Variants in C10orf90 observed in about 807,000 individuals in gnomAD.
C10orf90 encodes the protein (E2-independent) E3 ubiquitin-conjugating enzyme FATS.
C10orf90 carries 56 observed loss-of-function variants against 62.5 expected under a neutral mutation model. The ratio of observed to expected loss-of-function variants is 0.90; its 90% CI spans 0.72 to 1.12. The LOEUF (loss-of-function observed/expected upper bound fraction) is 1.12, where lower values mean the gene tolerates loss of function less well. C10orf90 is among the 50% of genes most tolerant of loss of function. The pLI is 0.00. For missense variants in C10orf90, 970 were observed against 880.4 expected (o/e 1.10, Z -1.29); for synonymous variants, 386 against 340.4 (o/e 1.13, Z -1.47).
At chr10:126,535,951 A>G (rs1439769650) in intron 2 of C10orf90, among the ~76,000 whole-genome samples, 2 of 152,198 alleles carry the variant, frequency 1.3e-5, no homozygotes, top group Admixed American at 6.5e-5. Context: ...GTTACGGGGC[A>G]GGTGGAGCAG....
chr10:126,467,780 T>C (rs1017262666), intron 4 of C10orf90, among the ~76,000 whole-genome samples: 2 of 152,194 alleles, frequency 1.3e-5, no homozygotes, highest in Admixed American at 1.3e-4. Context: ...ACCAAAATAT[T>C]CTGCCCAACA....
intron 2 of C10orf90, among the ~76,000 whole-genome samples, chr10:126,611,637 C>T (rs1044231852): frequency 1.2e-4 from 19 of 152,198 alleles, no homozygotes; most frequent in African/African-American, 4.3e-4. Flanking sequence ...TCTTCAAACT[C>T]TTGTCAGCAA....
chr10:126,425,777 G>T lies in C10orf90; in HGVS notation c.*87C>A. 7.4e-7 allele frequency: 1 copy of T among 1,347,574 alleles called. No homozygotes were observed. Among genetic ancestry groups the T allele is most frequent in the Non-Finnish European group, 1.0e-6 (1 of 983,536 alleles). The allele number at this position is 1,347,574 out of a possible 1,614,324, so 83.5% of individuals were successfully genotyped here. On this transcript the variant is annotated 3_prime_UTR_variant, in exon 10 of 10. Coordinates refer to ENST00000488181, the MANE Select transcript of C10orf90 (RefSeq NM_001350921.2). ...GAAAGTAAAATAAGTGTTTTCCCATGATGAAGATAATGCTAAGTTTAATGG... is the reference window on the plus strand; with the variant it reads ...GAAAGTAAAATAAGTGTTTTCCCATTATGAAGATAATGCTAAGTTTAATGG...
Position 126,532,069 on chromosome 10 carries a change from C to G in C10orf90, c.314-18130G>C, listed in dbSNP as rs184009917. Among the ~76,000 whole-genome samples the G allele has an allele frequency of 1.9e-3, 288 of 152,294 alleles. 1 individual carries two copies. Among genetic ancestry groups the G allele is most frequent in the Non-Finnish European group, 3.5e-3 (235 of 68,018 alleles). The stretch of plus-strand genomic sequence containing the variant: ...AAACTTAGGCAGTTGCCCCCCACAT[C>G]CAGGGCAATGAACTCCCCGATCATA... On this transcript the variant is annotated intron_variant, in intron 2 of 9. Transcript: ENST00000488181.
In C10orf90 at chr10:126,644,987, C is replaced by A. The variant is rs1846137697; in HGVS notation, c.313+1578G>T. Among the ~76,000 whole-genome samples the A allele has an allele frequency of 4.6e-5, 7 of 152,306 alleles. 1 individual carries two copies. In the South Asian group the frequency reaches 1.5e-3, roughly 32 times the overall value. On this transcript the variant is annotated intron_variant, in intron 2 of 9. Coordinates refer to ENST00000488181, the MANE Select transcript of C10orf90 (RefSeq NM_001350921.2). ...GTTCAAACTAAATATCTGTCACTAT[C>A]ATTCTCAGTAAACTATCGCAAGAAC... is the stretch of plus-strand genomic sequence containing the variant.
chr10:126,565,061 TATATATTATATATAATATATAA>T (rs1844309485), intron 2 of C10orf90, among the ~76,000 whole-genome samples: 4 of 31,772 alleles, frequency 1.3e-4, no homozygotes, highest in African/African-American at 4.6e-4. Context: ...ATATATAAAA[TATATATTATATATAATATATAA>T]AATATATATT....
At chr10:126,487,151 A>AAAAAAAAAAAAAAAAAAAAAAAAAAAG (rs1861482953) in intron 4 of C10orf90, among the ~76,000 whole-genome samples, 1 of 148,888 alleles carries the variant, frequency 6.7e-6, no homozygotes, top group African/African-American at 2.5e-5. Flanking sequence ...TCAAAAAAAA[A>AAAAAAAAAAAAAAAAAAAAAAAAAAAG]AAAAAAAAAA....
At chr10:126,492,056 T>C (rs1456212852) in intron 4 of C10orf90, among the ~76,000 whole-genome samples, 1 of 152,180 alleles carries the variant, frequency 6.6e-6, no homozygotes, top group Non-Finnish European at 1.5e-5. Context: ...GCATCCTGGA[T>C]CGGATCCTGG....
chr10:126,668,447 G>A (rs916702350), intron 1 of C10orf90, among the ~76,000 whole-genome samples: 1 of 152,104 alleles, frequency 6.6e-6, no homozygotes, highest in African/African-American at 2.4e-5. Context: ...GTTCAGCTTG[G>A]GAAATTGAGC....
rs192964361 is a variant in C10orf90, at chr10:126,437,107, C to T, written c.2189-7257G>A. 1.3e-4 allele frequency among the ~76,000 whole-genome samples: 20 copies of T among 152,302 alleles called. No individual in the cohort carries two copies. In the East Asian group the frequency reaches 3.9e-3, roughly 29 times the overall value. On this transcript the variant is annotated intron_variant, in intron 7 of 9. Coordinates refer to ENST00000488181, the MANE Select transcript of C10orf90 (RefSeq NM_001350921.2). ...TCATCCTTACAGCAACCTACTCAAG[C>T]TAGTCTTCTCTCCTCTTTACAGGGG... is the stretch of plus-strand genomic sequence containing the variant.
intron 2 of C10orf90, among the ~76,000 whole-genome samples, chr10:126,593,769 T>C (rs1845028036): frequency 6.6e-6 from 1 of 151,476 alleles, no homozygotes; most frequent in Admixed American, 6.6e-5. Flanking sequence ...TCTGCTACCC[T>C]GTAGTTTTAA....
rs189576265 is a variant in C10orf90 at position 126,595,838 on chromosome 10, A to G, written c.313+50727T>C. Among the ~76,000 whole-genome samples, 132 of 152,148 alleles carry G rather than the reference A, an allele frequency of 8.7e-4. 1 individual carries two copies. The highest frequency in any genetic ancestry group is 3.0e-3 in the African/African-American group (125 of 41,496). On this transcript the variant is annotated intron_variant, in intron 2 of 9. Coordinates refer to ENST00000488181, the MANE Select transcript of C10orf90 (RefSeq NM_001350921.2). ...CTCTAGCTCAGTACCCCACACCCCAATACATATCCCAGCCAGGTACCTCTT... is the reference window on the plus strand; with the variant it reads ...CTCTAGCTCAGTACCCCACACCCCAGTACATATCCCAGCCAGGTACCTCTT...
chr10:126,539,717 G>A (rs538596762), intron 2 of C10orf90, among the ~76,000 whole-genome samples: 2 of 152,300 alleles, frequency 1.3e-5, no homozygotes, highest in East Asian at 1.9e-4. Flanking sequence ...GGAAAAGTTT[G>A]TAAATTAACT....
chr10:126,551,349 A>G (rs768190963), intron 2 of C10orf90, among the ~76,000 whole-genome samples: 3 of 152,246 alleles, frequency 2.0e-5, no homozygotes, highest in Non-Finnish European at 2.9e-5. Flanking sequence ...GCAATAATAG[A>G]TGGAAATATG....
intron 2 of C10orf90, among the ~76,000 whole-genome samples, chr10:126,546,102 AG>A (rs1864484177): frequency 6.6e-6 from 1 of 152,102 alleles, no homozygotes; most frequent in South Asian, 2.1e-4. Context: ...GGCCAAAGAC[AG>A]AAAAAACCCC....
At chr10:126,493,798 G>A (rs967910508) in intron 4 of C10orf90, among the ~76,000 whole-genome samples, 9 of 152,194 alleles carry the variant, frequency 5.9e-5, no homozygotes, top group Middle Eastern at 3.2e-3. Flanking sequence ...TACCAGCTGC[G>A]CCAACAGCCA....
At position 126,558,192 on chromosome 10, in the gene C10orf90, C is replaced by T. The variant is rs1864821273; in HGVS notation, c.314-44253G>A. 2.0e-5 allele frequency among the ~76,000 whole-genome samples: 3 copies of T among 152,304 alleles called. No individual in the cohort carries two copies. The South Asian group carries it at 6.2e-4, about 32-fold the overall frequency. On this transcript the variant is annotated intron_variant, in intron 2 of 9. Transcript: ENST00000488181. ...ATATCCCAGGCCAGGCTACCATCATCTCATACTTGTATTACTTTGCCAGTT... is the reference window on the plus strand; with the variant it reads ...ATATCCCAGGCCAGGCTACCATCATTTCATACTTGTATTACTTTGCCAGTT...
chr10:126,459,799 C>G (rs1859845638), intron 6 of C10orf90, among the ~76,000 whole-genome samples: 7 of 152,070 alleles, frequency 4.6e-5, no homozygotes, highest in Admixed American at 4.6e-4. Context: ...CTCCACAAAC[C>G]ATGTCAGAAG....
At chr10:126,526,023 A>AACACAC (rs3040780) in intron 2 of C10orf90, among the ~76,000 whole-genome samples, 48,841 of 138,642 alleles carry the variant, frequency 0.35, 9,341 homozygotes, top group Non-Finnish European at 0.43. Flanking sequence ...CACCTGCCAC[A>AACACAC]ACACACACAC....
Sources: gnomAD v4.1 joint callset for allele counts (sites outside exome capture counted in the v4.1 genomes callset) on GRCh38, gnomAD v4.1.1 for gene constraint, MANE v1.5 for transcripts, NCBI Gene and HGNC (gene_info 2026-07-23, HGNC 2026-07-21) for gene names.